Variants in SLC6A17 observed in about 807,000 individuals in gnomAD.
SLC6A17 encodes the protein sodium-dependent neutral amino acid transporter SLC6A17.
In SLC6A17, 21 loss-of-function variants were observed where a neutral mutation model predicts 64.5. That is an observed-to-expected ratio of 0.33 (90% CI 0.23 to 0.47). The LOEUF (loss-of-function observed/expected upper bound fraction) is 0.47, where lower values mean the gene tolerates loss of function less well. Among genes scored for constraint, SLC6A17 ranks in the 20% least tolerant of loss-of-function variants. SLC6A17 has a pLI of 1.00. For synonymous variants in SLC6A17, 372 were observed against 399.5 expected (o/e 0.93, Z 0.82); for missense variants, 682 against 963.2 (o/e 0.71, Z 3.86).
At position 110,174,093 on chromosome 1, in the gene SLC6A17, G is replaced by A. The variant is rs752829406; in HGVS notation, c.565G>A (p.Val189Met). ...SECPVVRNGS[V>M]AVVEAECEKS... ...ATGTCCTGTCGTCAGGAATGGGAGC[G>A]TGGCAGGCAAGTATGGGGCCCAGCT... Residue 189 changes from valine (V) to methionine (M), a missense_variant, in exon 4 of 12, where the codon GTG (valine) becomes ATG (methionine). By Grantham distance (21) the Val-to-Met change is conservative (BLOSUM62 1). Around this residue, in one of 3 missense-constraint regions of SLC6A17, gnomAD observed 415 missense variants for 603.8 expected, o/e 0.69. Coordinates refer to ENST00000331565, the MANE Select transcript of SLC6A17 (RefSeq NM_001010898.4). The A allele has an allele frequency of 3.1e-5, 50 of 1,613,944 alleles. No individual in the cohort carries two copies. The East Asian group carries it at 4.7e-4, about 15-fold the overall frequency.
chr1:110,182,192 G>C (rs1656544320), intron 6 of SLC6A17, among the ~76,000 whole-genome samples: 1 of 152,162 alleles, frequency 6.6e-6, no homozygotes, highest in African/African-American at 2.4e-5. Flanking sequence ...GAGTCAAAAG[G>C]GTTTGCTGTT....
At chr1:110,161,981 G>C (rs1232314928) in intron 1 of SLC6A17, among the ~76,000 whole-genome samples, 2 of 152,222 alleles carry the variant, frequency 1.3e-5, no homozygotes, top group Non-Finnish European at 2.9e-5. Flanking sequence ...CAGTTCACTT[G>C]CTCCGACCTC....
rs1187126066 is a variant in SLC6A17, at chr1:110,192,588, C to G, written c.1189C>G (p.Leu397Val). 6.2e-7 allele frequency: 1 copy of G among 1,614,220 alleles called. No homozygotes were observed. Among genetic ancestry groups the G allele is most frequent in the African/African-American group, 1.3e-5 (1 of 75,068 alleles). ...CCCACCCCACGTCAACTTCTCCCACCTGACCACAAAGGACTACATGGAGAT... is the reference window on the plus strand; with the variant it reads ...CCCACCCCACGTCAACTTCTCCCACGTGACCACAAAGGACTACATGGAGAT... The part of the protein sequence containing the change: ...LIPPHVNFSH[L>V]TTKDYMEMYN... Residue 397 changes from leucine to valine, a missense_variant, in exon 8 of 12, where the codon CTG becomes GTG. Physicochemically the swap from Leu to Val is conservative, Grantham distance 32. Transcript: ENST00000331565. This position sits in a 1 kb window ranked among gnomAD's most constrained non-coding sequence, Gnocchi z 4.3.
chr1:110,156,433 C>T (rs866436525), intron 1 of SLC6A17, among the ~76,000 whole-genome samples: 6 of 152,084 alleles, frequency 3.9e-5, no homozygotes, highest in African/African-American at 1.4e-4. Flanking sequence ...AGCATGGTGG[C>T]GCCTCCTCCG....
At chr1:110,183,826 G>A (rs1421650210) in intron 6 of SLC6A17, among the ~76,000 whole-genome samples, 1 of 152,118 alleles carries the variant, frequency 6.6e-6, no homozygotes, top group Non-Finnish European at 1.5e-5. Context: ...CAGTGAAGTA[G>A]GAGACAAGGT....
Position 110,172,169 on chromosome 1 carries a change from G to C in SLC6A17, c.396G>C (p.Trp132Cys). Reference protein sequence around the residue: ...QRIRRGSIGVWHYICPRLGGI... With the variant: ...QRIRRGSIGVCHYICPRLGGI... ...TCCGCCGCGGCAGCATCGGTGTGTG[G>C]CACTATATATGTCCCCGCCTGGGGG... The change falls in exon 3 of 12, where the codon TGG (tryptophan) becomes TGC (cysteine). Residue 132 changes from tryptophan (W) to cysteine (C), a missense_variant. Physicochemically the swap from Trp to Cys is radical, Grantham distance 215. Around this residue, in one of 3 missense-constraint regions of SLC6A17, gnomAD observed 415 missense variants for 603.8 expected, o/e 0.69. Coordinates refer to ENST00000331565, the MANE Select transcript of SLC6A17 (RefSeq NM_001010898.4). 6.2e-7 allele frequency: 1 copy of C among 1,611,166 alleles called. No individual in the cohort carries two copies. The highest frequency in any genetic ancestry group is 8.5e-7 in the Non-Finnish European group (1 of 1,178,752).
intron 1 of SLC6A17, among the ~76,000 whole-genome samples, chr1:110,156,925 G>C (rs1470397350): frequency 6.6e-6 from 1 of 152,176 alleles, no homozygotes; most frequent in Non-Finnish European, 1.5e-5. Context: ...ACAGAAAATA[G>C]TGGTTTTAAG....
chr1:110,186,202 T>C (rs1434168090), intron 6 of SLC6A17, among the ~76,000 whole-genome samples: 1 of 152,180 alleles, frequency 6.6e-6, no homozygotes, highest in Non-Finnish European at 1.5e-5. Context: ...CCAAGCTATA[T>C]AGGGCCAGCT....
intron 9 of SLC6A17, 91 bp from the exon 10 acceptor site, chr1:110,195,495 G>A: frequency 1.3e-6 from 2 of 1,495,586 alleles, no homozygotes; most frequent in Admixed American, 1.8e-5. Context: ...GGGGAGGGAT[G>A]TGATGGGAGG....
At chr1:110,157,218 A>G (rs1381986769) in intron 1 of SLC6A17, among the ~76,000 whole-genome samples, 1 of 152,102 alleles carries the variant, frequency 6.6e-6, no homozygotes, top group Non-Finnish European at 1.5e-5. Flanking sequence ...TATCACCATC[A>G]TCGCTTACCT....
intron 6 of SLC6A17, among the ~76,000 whole-genome samples, chr1:110,190,949 T>G (rs1403992254): frequency 2.0e-5 from 3 of 152,164 alleles, no homozygotes; most frequent in Non-Finnish European, 4.4e-5. Flanking sequence ...AGTTTACCCT[T>G]TAAAAACATG....
chr1:110,197,687 C>A, intron 11 of SLC6A17, 88 bp downstream of exon 11: 2 of 1,411,094 alleles, frequency 1.4e-6, no homozygotes, highest in Non-Finnish European at 1.9e-6. Flanking sequence ...CTTTCTAGGG[C>A]AGCTGCTATG....
At position 110,172,017 on chromosome 1, in the gene SLC6A17, T is replaced by C. The variant is rs768958665; in HGVS notation, c.287-43T>C. ...GCGGCCCCTTCCCTCACTCTGCTGC[T>C]GTGCTCCAGAGCCCCTCTGCCATCC... On this transcript the variant is annotated intron_variant, in intron 2 of 11. Coordinates refer to ENST00000331565, the MANE Select transcript of SLC6A17 (RefSeq NM_001010898.4). 2.0e-5 allele frequency: 32 copies of C among 1,605,494 alleles called. No individual in the cohort carries two copies. The South Asian group carries it at 2.0e-4, about 10-fold the overall frequency.
chr1:110,197,566 G>A lies in SLC6A17; in HGVS notation c.1782G>A (p.Thr594=), dbSNP rs764494030. Residue 594 remains threonine, a synonymous_variant, in exon 11 of 12, where the codon ACG becomes ACA. Transcript: ENST00000331565. ...TTASIIQLGV[T]PPGYSAWIKE... ...CCAGCATCATCCAGCTGGGGGTCAC[G>A]CCCCCGGGCTACAGCGCCTGGATCA... 50 of 1,609,680 alleles carry A rather than the reference G, an allele frequency of 3.1e-5. No homozygotes were observed. The highest frequency in any genetic ancestry group is 5.4e-5 in the African/African-American group (4 of 74,742).
intron 1 of SLC6A17, among the ~76,000 whole-genome samples, chr1:110,163,426 G>A (rs2101840913): frequency 6.6e-6 from 1 of 152,300 alleles, no homozygotes; most frequent in South Asian, 2.1e-4. Flanking sequence ...GGTAAACAAT[G>A]CAAGGCTTCC....
chr1:110,198,081 C>T lies in SLC6A17; in HGVS notation c.1821C>T (p.Ala607=), dbSNP rs746923704. 8.1e-6 allele frequency: 13 copies of T among 1,610,000 alleles called. No homozygotes were observed. Among genetic ancestry groups the T allele is most frequent in the East Asian group, 2.2e-5 (1 of 44,822 alleles). ...TTAAGGCAGCCCACCCGCAGGCTGC[C>T]GAGCGCTACCTGTATTTCCCCAACT... is the stretch of plus-strand genomic sequence containing the variant. The part of the protein sequence containing the change: ...GYSAWIKEEA[A]ERYLYFPNWA... Residue 607 remains alanine, a synonymous_variant, in exon 12 of 12, where the codon GCC becomes GCT. Transcript: ENST00000331565.
intron 1 of SLC6A17, among the ~76,000 whole-genome samples, chr1:110,163,026 A>G (rs1445542416): frequency 6.6e-6 from 1 of 152,054 alleles, no homozygotes; most frequent in East Asian, 1.9e-4. Context: ...GGTAAAAAAA[A>G]AAAAAAAAAA....
Position 110,197,580 on chromosome 1 carries a change from G to A in SLC6A17, c.1796G>A (p.Ser599Asn). ...IQLGVTPPGY[S>N]AWIKEEAAER... ...CTGGGGGTCACGCCCCCGGGCTACAGCGCCTGGATCAAGGAGGAGGTGAGG... is the reference window on the plus strand; with the variant it reads ...CTGGGGGTCACGCCCCCGGGCTACAACGCCTGGATCAAGGAGGAGGTGAGG... The change falls in exon 11 of 12, where the codon AGC (serine) becomes AAC (asparagine). Residue 599 changes from serine to asparagine, a missense_variant. Around this residue, in one of 3 missense-constraint regions of SLC6A17, gnomAD observed 264 missense variants for 339.5 expected, o/e 0.78. Coordinates refer to ENST00000331565, the MANE Select transcript of SLC6A17 (RefSeq NM_001010898.4). The A allele has an allele frequency of 6.2e-7, 1 of 1,605,518 alleles. No homozygotes were observed. Among genetic ancestry groups the A allele is most frequent in the Non-Finnish European group, 8.5e-7 (1 of 1,176,312 alleles).
intron 5 of SLC6A17, among the ~76,000 whole-genome samples, chr1:110,175,361 C>T (rs934127922): frequency 2.0e-5 from 3 of 152,208 alleles, no homozygotes; most frequent in African/African-American, 4.8e-5. Flanking sequence ...GCCATGCCTA[C>T]AGCTAAAGGG....
Sources: gnomAD v4.1 joint callset for allele counts (sites outside exome capture counted in the v4.1 genomes callset) on GRCh38, gnomAD v4.1.1 for gene constraint, gnomAD v4.1.1 regional missense constraint, Gnocchi (gnomAD v3.1) non-coding constraint, MANE v1.5 for transcripts, NCBI Gene and HGNC (gene_info 2026-07-23, HGNC 2026-07-21) for gene names.